Variants in ADAMTSL3 observed in about 807,000 individuals in gnomAD.
The protein encoded by ADAMTSL3 is ADAMTS like 3, also known as ADAMTS-like protein 3.
In ADAMTSL3, 128 loss-of-function variants were observed where a neutral mutation model predicts 201.7. The ratio of observed to expected loss-of-function variants is 0.63; its 90% CI spans 0.55 to 0.73. The LOEUF (loss-of-function observed/expected upper bound fraction) is 0.73. Among genes scored for constraint, ADAMTSL3 ranks in the 30% least tolerant of loss-of-function variants. The pLI, the probability that ADAMTSL3 is intolerant of heterozygous loss-of-function variation, is 0.00. For missense variants in ADAMTSL3, 1,990 were observed against 2,119.6 expected (o/e 0.94, Z 1.20); for synonymous variants, 738 against 748.4 (o/e 0.99, Z 0.23).
chr15:83,943,171 C>A (rs559548634), intron 19 of ADAMTSL3, 89 bp downstream of exon 19: 621 of 1,432,766 alleles, frequency 4.3e-4, no homozygotes, highest in Middle Eastern at 2.0e-3. Context: ...CAGGCTGGAA[C>A]TACTGTGAGA....
At chr15:83,760,421 T>C (rs536069507) in intron 3 of ADAMTSL3, among the ~76,000 whole-genome samples, 139 of 152,288 alleles carry the variant, frequency 9.1e-4, no homozygotes, top group African/African-American at 3.2e-3. Flanking sequence ...CAGATCATGA[T>C]AAATGTTTAT....
At position 83,991,072 on chromosome 15, in the gene ADAMTSL3, C is replaced by T; in HGVS notation, c.3845-14C>T. ...CCTGAACCTAACATAGTTTCCTGCT[C>T]CCTTTGAATTAAGAGGCACCTGTCA... is the stretch of plus-strand genomic sequence containing the variant. On this transcript the variant is annotated splice_polypyrimidine_tract_variant and intron_variant, in intron 22 of 29. Coordinates refer to ENST00000286744, the MANE Select transcript of ADAMTSL3 (RefSeq NM_207517.3). The T allele has an allele frequency of 1.9e-6, 3 of 1,614,048 alleles. No individual in the cohort carries two copies. Among genetic ancestry groups the T allele is most frequent in the Non-Finnish European group, 2.5e-6 (3 of 1,179,982 alleles).
rs555755372 is a variant in ADAMTSL3 at position 83,853,080 on chromosome 15, C to G, written c.728-5686C>G. On this transcript the variant is annotated intron_variant, in intron 7 of 29. Coordinates refer to ENST00000286744, the MANE Select transcript of ADAMTSL3 (RefSeq NM_207517.3). ...ATGTTGGCCAGGCTGGTCTTGAACT[C>G]CTGACCTCAGGTGATCCTCCCGCCT... 2.0e-5 allele frequency among the ~76,000 whole-genome samples: 3 copies of G among 152,302 alleles called. No homozygotes were observed. In the East Asian group the frequency reaches 5.8e-4, roughly 29 times the overall value.
intron 6 of ADAMTSL3, among the ~76,000 whole-genome samples, chr15:83,822,149 A>C (rs1360136644): frequency 7.6e-6 from 1 of 131,026 alleles, no homozygotes. Flanking sequence ...CCTCCCTCCC[A>C]GACGGGGCGG....
intron 4 of ADAMTSL3, among the ~76,000 whole-genome samples, chr15:83,801,655 T>TAAATATAA (rs1352203811): frequency 2.8e-3 from 104 of 37,012 alleles, no homozygotes; most frequent in African/African-American, 7.6e-3. Context: ...AATATAAATA[T>TAAATATAA]ATATATATAT....
At chr15:83,673,122 G>A (rs1231996001) in intron 2 of ADAMTSL3, among the ~76,000 whole-genome samples, 1 of 152,246 alleles carries the variant, frequency 6.6e-6, no homozygotes, top group East Asian at 1.9e-4. Context: ...GATCTGGCAG[G>A]CGCTGTTCAG....
At chr15:83,923,880 T>G (rs750023008) in intron 16 of ADAMTSL3, 24 bp from the exon 17 acceptor site, 1 of 1,612,490 alleles carries the variant, frequency 6.2e-7, no homozygotes, top group Admixed American at 1.7e-5. Flanking sequence ...GTCATTTGCA[T>G]TTTTTCCTCT....
chr15:83,905,718 C>T (rs1203264619), intron 15 of ADAMTSL3, among the ~76,000 whole-genome samples: 1 of 152,158 alleles, frequency 6.6e-6, no homozygotes, highest in Non-Finnish European at 1.5e-5. Context: ...CCAAATTGCA[C>T]ATCTCTAATT....
intron 8 of ADAMTSL3, among the ~76,000 whole-genome samples, chr15:83,867,399 T>C (rs2065000220): frequency 6.6e-6 from 1 of 152,114 alleles, no homozygotes; most frequent in Non-Finnish European, 1.5e-5. Context: ...CCTTCAAAAA[T>C]GGAAGCAATA....
At chr15:83,890,385 T>C in intron 11 of ADAMTSL3, 138 bp downstream of exon 11, 1 of 1,082,494 alleles carries the variant, frequency 9.2e-7, no homozygotes, top group Admixed American at 2.6e-5. Flanking sequence ...CATTCACATT[T>C]GTAACTATGG....
At chr15:83,769,790 T>C (rs1470405967) in intron 3 of ADAMTSL3, among the ~76,000 whole-genome samples, 1 of 151,386 alleles carries the variant, frequency 6.6e-6, no homozygotes, top group African/African-American at 2.4e-5. Context: ...ATTTTTCTTT[T>C]TTTTTTTTTT....
chr15:83,722,439 T>C (rs1454815648), intron 3 of ADAMTSL3, among the ~76,000 whole-genome samples: 2 of 152,200 alleles, frequency 1.3e-5, no homozygotes, highest in Non-Finnish European at 1.5e-5. Flanking sequence ...TGTATTGCAT[T>C]TTGATTTCAA....
intron 10 of ADAMTSL3, among the ~76,000 whole-genome samples, chr15:83,887,255 C>G (rs2065412753): frequency 6.6e-6 from 1 of 152,132 alleles, no homozygotes; most frequent in Non-Finnish European, 1.5e-5. Flanking sequence ...CTATTTTTGC[C>G]ATATCTGTGT....
chr15:84,015,781 C>T (rs2068078654), intron 24 of ADAMTSL3, among the ~76,000 whole-genome samples: 2 of 152,308 alleles, frequency 1.3e-5, no homozygotes, highest in Non-Finnish European at 2.9e-5. Flanking sequence ...CCCTGAGAAA[C>T]CCCAGCCTTG....
At chr15:83,879,517 T>C (rs2141851212) in intron 9 of ADAMTSL3, among the ~76,000 whole-genome samples, 1 of 152,330 alleles carries the variant, frequency 6.6e-6, no homozygotes, top group South Asian at 2.1e-4. Flanking sequence ...GTAGATTATT[T>C]AGAAGTATAA....
chr15:83,743,461 C>T (rs1035924812), intron 3 of ADAMTSL3, among the ~76,000 whole-genome samples: 4 of 143,530 alleles, frequency 2.8e-5, no homozygotes, highest in Admixed American at 2.3e-4. Context: ...TGCAGTGAGC[C>T]GAGATTGCGC....
chr15:83,686,972 C>T (rs1596025920), intron 2 of ADAMTSL3, among the ~76,000 whole-genome samples: 1 of 152,110 alleles, frequency 6.6e-6, no homozygotes, highest in East Asian at 1.9e-4. Flanking sequence ...AGGAGGACTA[C>T]TTGAGTTGAG....
chr15:83,787,940 G>C (rs1224020836), intron 4 of ADAMTSL3, among the ~76,000 whole-genome samples: 1 of 151,276 alleles, frequency 6.6e-6, no homozygotes, highest in Non-Finnish European at 1.5e-5. Context: ...TATTATGAAG[G>C]CATATTATTA....
intron 2 of ADAMTSL3, among the ~76,000 whole-genome samples, chr15:83,665,947 T>C (rs2061242706): frequency 6.6e-6 from 1 of 152,238 alleles, no homozygotes; most frequent in African/African-American, 2.4e-5. Flanking sequence ...AAATTCTCTT[T>C]ACTCTCTTTT....
Sources: gnomAD v4.1 joint callset for allele counts (sites outside exome capture counted in the v4.1 genomes callset) on GRCh38, gnomAD v4.1.1 for gene constraint, MANE v1.5 for transcripts, NCBI Gene and HGNC (gene_info 2026-07-23, HGNC 2026-07-21) for gene names.